EBF2: variants seen among roughly 807,000 people sequenced by gnomAD.
EBF2 encodes transcription factor COE2.
Under a neutral mutation model 72.8 loss-of-function variants are expected in EBF2, and 21 were observed. The ratio of observed to expected loss-of-function variants is 0.29; its 90% CI spans 0.20 to 0.42. EBF2 has a LOEUF of 0.42. EBF2 is among the 10% of genes least tolerant of loss of function. The probability of loss-of-function intolerance (pLI) is 1.00; values close to 1 mark genes in which losing one functional copy is unlikely to be tolerated. For synonymous variants in EBF2, 299 were observed against 274.2 expected (o/e 1.09, Z -0.89); for missense variants, 637 against 731.2 (o/e 0.87, Z 1.49).
intron 6 of EBF2, among the ~76,000 whole-genome samples, chr8:25,936,082 G>C (rs934789196): frequency 6.6e-6 from 1 of 152,128 alleles, no homozygotes; most frequent in South Asian, 2.1e-4. Flanking sequence ...GTGGTTAGAG[G>C]CAGCAGAGGA....
chr8:26,032,364 G>T (rs976095147), intron 6 of EBF2: 3 of 152,154 alleles, frequency 2.0e-5, no homozygotes, highest in Non-Finnish European at 4.4e-5. Context: ...AAAACCCAAA[G>T]AAAGAAGCAA....
chr8:26,040,842 C>A (rs923708736), intron 3 of EBF2, 97 bp downstream of exon 3: 35 of 1,562,604 alleles, frequency 2.2e-5, no homozygotes, highest in Non-Finnish European at 3.1e-5. Context: ...GCCCTGGGCT[C>A]CATGCGATCC....
At chr8:25,934,944 T>A (rs1045729910) in intron 6 of EBF2, among the ~76,000 whole-genome samples, 1 of 152,138 alleles carries the variant, frequency 6.6e-6, no homozygotes, top group African/African-American at 2.4e-5. Flanking sequence ...ACTGCCGCAG[T>A]TGCTTCTAGC....
chr8:25,858,653 T>TC, intron 13 of EBF2, 149 bp from the exon 14 acceptor site: 1 of 79,126 alleles, frequency 1.3e-5, no homozygotes, highest in South Asian at 5.4e-4. Context: ...ATCTTTAGCT[T>TC]TTTTTTTTTT....
intron 6 of EBF2, among the ~76,000 whole-genome samples, chr8:26,030,176 C>T (rs553957438): frequency 6.6e-6 from 1 of 152,292 alleles, no homozygotes; most frequent in African/African-American, 2.4e-5. Flanking sequence ...CTAAGGTAAA[C>T]CCGAAAGACA....
intron 10 of EBF2, among the ~76,000 whole-genome samples, chr8:25,868,999 A>AT (rs1053280912): frequency 4.6e-5 from 7 of 152,036 alleles, no homozygotes; most frequent in Non-Finnish European, 1.0e-4. Flanking sequence ...TTAGAAACTA[A>AT]TTTTCATGTT....
At chr8:25,913,840 T>C (rs1213843392) in intron 6 of EBF2, among the ~76,000 whole-genome samples, 1 of 152,226 alleles carries the variant, frequency 6.6e-6, no homozygotes, top group East Asian at 1.9e-4. Flanking sequence ...CAGAAGACAC[T>C]TTCTGTCTGG....
At chr8:26,013,410 G>A (rs540784737) in intron 6 of EBF2, among the ~76,000 whole-genome samples, 1 of 152,162 alleles carries the variant, frequency 6.6e-6, no homozygotes, top group South Asian at 2.1e-4. Flanking sequence ...ATACTTGCTG[G>A]GTGCCTGCTC....
chr8:26,027,026 G>C (rs536749869), intron 6 of EBF2, among the ~76,000 whole-genome samples: 26 of 152,182 alleles, frequency 1.7e-4, no homozygotes, highest in Non-Finnish European at 3.2e-4. Flanking sequence ...CTCAGAGCCA[G>C]AAATCTTCAC....
At chr8:25,985,543 C>A (rs2117203589) in intron 6 of EBF2, among the ~76,000 whole-genome samples, 1 of 152,306 alleles carries the variant, frequency 6.6e-6, no homozygotes, top group Admixed American at 6.5e-5. Context: ...AGTCACTTAA[C>A]CTCTCTGGGT....
chr8:25,934,253 A>G (rs1413391652), intron 6 of EBF2, among the ~76,000 whole-genome samples: 1 of 151,642 alleles, frequency 6.6e-6, no homozygotes, highest in Non-Finnish European at 1.5e-5. Context: ...ACACACACAC[A>G]CACACACACA....
chr8:25,876,473 C>A (rs192245344), intron 10 of EBF2, among the ~76,000 whole-genome samples: 1 of 152,246 alleles, frequency 6.6e-6, no homozygotes, highest in East Asian at 1.9e-4. Flanking sequence ...CATTCTCAGA[C>A]CCTCTCAGGA....
At chr8:25,891,737 T>C (rs1465211567) in intron 7 of EBF2, among the ~76,000 whole-genome samples, 2 of 151,904 alleles carry the variant, frequency 1.3e-5, no homozygotes, top group Non-Finnish European at 2.9e-5. Flanking sequence ...GCCACCATGC[T>C]CAGCTAATTT....
chr8:25,962,005 A>G lies in EBF2; in HGVS notation c.552-53450T>C, dbSNP rs564420870. 2.0e-4 allele frequency among the ~76,000 whole-genome samples: 31 copies of G among 152,304 alleles called. No individual in the cohort carries two copies. In the South Asian group the frequency reaches 5.6e-3, roughly 28 times the overall value. On this transcript the variant is annotated intron_variant, in intron 6 of 15. Coordinates refer to ENST00000520164, the MANE Select transcript of EBF2 (RefSeq NM_022659.4). ...AGCATGTCCTTCTACCCTTTGCCCA[A>G]CTGACCTGGGCATAAGGAATACATA...
chr8:25,934,604 C>A (rs1045674960), intron 6 of EBF2, among the ~76,000 whole-genome samples: 5 of 152,130 alleles, frequency 3.3e-5, no homozygotes, highest in Non-Finnish European at 5.9e-5. Flanking sequence ...TAGAGGCGGT[C>A]CTGCTGCATA....
intron 6 of EBF2, among the ~76,000 whole-genome samples, chr8:25,960,611 C>T (rs1804020200): frequency 6.6e-6 from 1 of 151,984 alleles, no homozygotes; most frequent in South Asian, 2.1e-4. Flanking sequence ...GCTGGGGGCA[C>T]ATGTAGATGC....
At chr8:25,845,091 C>CT (rs1196786187) in intron 15 of EBF2, among the ~76,000 whole-genome samples, 1 of 151,968 alleles carries the variant, frequency 6.6e-6, no homozygotes, top group Non-Finnish European at 1.5e-5. Context: ...ACAAATCAAG[C>CT]TTTTTATCTA....
chr8:25,875,521 G>A (rs1288047767), intron 10 of EBF2, among the ~76,000 whole-genome samples: 1 of 152,182 alleles, frequency 6.6e-6, no homozygotes, highest in African/African-American at 2.4e-5. Context: ...TGCAACTTCA[G>A]TTATTTGTAG....
intron 2 of EBF2, 173 bp from the exon 3 acceptor site, chr8:26,041,175 C>A (rs1805593792): frequency 2.9e-6 from 2 of 694,572 alleles, no homozygotes; most frequent in African/African-American, 1.8e-5. Context: ...TCCTTGGCCG[C>A]CCCCGGAAAC....
Sources: gnomAD v4.1 joint callset for allele counts (sites outside exome capture counted in the v4.1 genomes callset) on GRCh38, gnomAD v4.1.1 for gene constraint, MANE v1.5 for transcripts, NCBI Gene and HGNC (gene_info 2026-07-23, HGNC 2026-07-21) for gene names.